The following AUTS2 variants were observed in gnomAD, a reference collection of about 807,000 sequenced individuals.
The protein encoded by AUTS2 is activator of transcription and developmental regulator AUTS2.
In AUTS2, 17 loss-of-function variants were observed where a neutral mutation model predicts 112.4. The observed-to-expected ratio is 0.15, with a 90% confidence interval of 0.10 to 0.23. The LOEUF (loss-of-function observed/expected upper bound fraction) is 0.23. Among genes scored for constraint, AUTS2 ranks in the 10% least tolerant of loss-of-function variants. The pLI is 1.00. For synonymous variants in AUTS2, 751 were observed against 702.7 expected, an observed-to-expected ratio of 1.07 and a Z score of -1.09; for missense variants, 1,510 against 1,701.6, an observed-to-expected ratio of 0.89 and a Z score of 1.98.
At chr7:70,441,015 A>G (rs1264593423) in intron 5 of AUTS2, among the ~76,000 whole-genome samples, 1 of 152,224 alleles carries the variant, frequency 6.6e-6, no homozygotes, top group African/African-American at 2.4e-5. Flanking sequence ...TGCTCTTGAA[A>G]TTTTGACTGC....
chr7:69,839,276 T>G (rs1791866454), intron 1 of AUTS2, among the ~76,000 whole-genome samples: 1 of 152,150 alleles, frequency 6.6e-6, no homozygotes, highest in South Asian at 2.1e-4. Context: ...TGGGCAGTAC[T>G]TACCTTGTAA....
chr7:70,140,336 CT>C (rs1271736097), intron 4 of AUTS2, among the ~76,000 whole-genome samples: 1 of 152,174 alleles, frequency 6.6e-6, no homozygotes, highest in Non-Finnish European at 1.5e-5. Context: ...TTCCATCATT[CT>C]GTAAAGAGAA....
chr7:70,505,256 G>A (rs559128877), intron 5 of AUTS2, among the ~76,000 whole-genome samples: 1 of 152,198 alleles, frequency 6.6e-6, no homozygotes, highest in Admixed American at 6.5e-5. Context: ...GAAAGAGAAG[G>A]CTGGTAGAGA....
intron 1 of AUTS2, among the ~76,000 whole-genome samples, chr7:69,675,884 C>A (rs1452632329): frequency 6.6e-6 from 1 of 152,146 alleles, no homozygotes; most frequent in Non-Finnish European, 1.5e-5. Context: ...CATCTGAGGA[C>A]TGACATCATT....
At chr7:70,603,177 G>C (rs536973840) in intron 5 of AUTS2, among the ~76,000 whole-genome samples, 1 of 152,088 alleles carries the variant, frequency 6.6e-6, no homozygotes, top group Non-Finnish European at 1.5e-5. Flanking sequence ...AAGGTGGCAA[G>C]GTGAGCAAAA....
chr7:70,688,781 G>T (rs1452626252), intron 5 of AUTS2, among the ~76,000 whole-genome samples: 1 of 152,182 alleles, frequency 6.6e-6, no homozygotes, highest in Non-Finnish European at 1.5e-5. Flanking sequence ...CTCTGATTGT[G>T]CCACTGCACT....
chr7:69,724,392 A>G (rs1201756158), intron 1 of AUTS2, among the ~76,000 whole-genome samples: 1 of 152,208 alleles, frequency 6.6e-6, no homozygotes, highest in African/African-American at 2.4e-5. Flanking sequence ...TGTTCAAAAG[A>G]CCATGAGACA....
chr7:70,081,058 T>A (rs922141071), intron 2 of AUTS2, among the ~76,000 whole-genome samples: 1 of 152,182 alleles, frequency 6.6e-6, no homozygotes, highest in African/African-American at 2.4e-5. Flanking sequence ...TGAGGATTTA[T>A]TTATTTGTGT....
chr7:69,748,625 T>C (rs1787610582), intron 1 of AUTS2, among the ~76,000 whole-genome samples: 1 of 152,156 alleles, frequency 6.6e-6, no homozygotes. Context: ...TAAGGAACTC[T>C]GGTTGACTGC....
At chr7:69,614,368 T>TCTTTCTTTTC (rs1474509971) in intron 1 of AUTS2, among the ~76,000 whole-genome samples, 7 of 19,514 alleles carry the variant, frequency 3.6e-4, no homozygotes, top group East Asian at 1.7e-3. Context: ...TTCTTTCTTT[T>TCTTTCTTTTC]TTTAAGAGAT....
chr7:70,547,259 G>A (rs1305363287), intron 5 of AUTS2, among the ~76,000 whole-genome samples: 1 of 152,006 alleles, frequency 6.6e-6, no homozygotes, highest in African/African-American at 2.4e-5. Flanking sequence ...AATGTTGGTG[G>A]GTTTTTGTTT....
chr7:70,403,772 G>A (rs1296178897), intron 4 of AUTS2, among the ~76,000 whole-genome samples: 2 of 152,192 alleles, frequency 1.3e-5, no homozygotes, highest in Non-Finnish European at 2.9e-5. Flanking sequence ...ATTCATTACA[G>A]GTTTGTTTAT....
intron 1 of AUTS2, among the ~76,000 whole-genome samples, chr7:69,635,246 G>C (rs1319739570): frequency 6.6e-6 from 1 of 152,118 alleles, no homozygotes; most frequent in Non-Finnish European, 1.5e-5. Context: ...GGGCTATACA[G>C]GTTTTCATCT....
rs1799335463 is a variant in AUTS2 at position 70,003,494 on chromosome 7, A to G, written c.522+103996A>G. Among the ~76,000 whole-genome samples, 6 of 125,496 alleles carry G rather than the reference A, an allele frequency of 4.8e-5. No individual in the cohort carries two copies. In the Admixed American group the frequency reaches 5.4e-4, roughly 11 times the overall value. 82.3% of individuals were successfully genotyped at this position (125,496 alleles called of 152,430 possible). ...TTATATATGAATATATATAATATAT[A>G]TGAATATGTTATATATGTATATATA... On this transcript the variant is annotated intron_variant, in intron 2 of 18. Coordinates refer to ENST00000342771, the MANE Select transcript of AUTS2 (RefSeq NM_015570.4).
chr7:69,705,399 A>G (rs1484588806), intron 1 of AUTS2, among the ~76,000 whole-genome samples: 2 of 152,214 alleles, frequency 1.3e-5, no homozygotes, highest in African/African-American at 4.8e-5. Flanking sequence ...GTTTATAAGT[A>G]TTATGGAATG....
At chr7:69,879,005 G>C (rs1325258339) in intron 1 of AUTS2, among the ~76,000 whole-genome samples, 2 of 152,182 alleles carry the variant, frequency 1.3e-5, no homozygotes, top group Admixed American at 1.3e-4. Flanking sequence ...TGTGCTTTGA[G>C]ATGCAGACTG....
chr7:70,306,040 G>A (rs1420297907), intron 4 of AUTS2, among the ~76,000 whole-genome samples: 8 of 152,064 alleles, frequency 5.3e-5, no homozygotes, highest in Non-Finnish European at 1.2e-4. Flanking sequence ...AAAATGTAGA[G>A]ACAAATCTCT....
At chr7:69,947,437 T>C (rs528249783) in intron 2 of AUTS2, among the ~76,000 whole-genome samples, 37 of 152,318 alleles carry the variant, frequency 2.4e-4, no homozygotes, top group African/African-American at 8.9e-4. Flanking sequence ...AAATCTTGAT[T>C]GAGATAGATC....
intron 12 of AUTS2, chr7:70,774,335 T>C: frequency 1.9e-6 from 1 of 527,858 alleles, no homozygotes; most frequent in Non-Finnish European, 3.4e-6. Context: ...GAGGAATGAG[T>C]TACGGTCTGA....
Sources: gnomAD v4.1 joint callset for allele counts (sites outside exome capture counted in the v4.1 genomes callset) on GRCh38, gnomAD v4.1.1 for gene constraint, MANE v1.5 for transcripts, NCBI Gene and HGNC (gene_info 2026-07-23, HGNC 2026-07-21) for gene names.